Variants in CREM observed in about 807,000 individuals in gnomAD.
The protein encoded by CREM is cAMP responsive element modulator, also known as cAMP-responsive element modulator.
Under a neutral mutation model 37.3 loss-of-function variants are expected in CREM, and 13 were observed. The observed-to-expected ratio is 0.35, with a 90% CI of 0.23 to 0.55. CREM has a LOEUF of 0.55. Ranked by LOEUF, CREM falls within the 20% of genes least tolerant of loss-of-function variation. CREM has a pLI of 0.88. For synonymous variants in CREM, 124 were observed against 120.2 expected, an observed-to-expected ratio of 1.03 and a Z score of -0.21; for missense variants, 296 against 362.3, an observed-to-expected ratio of 0.82 and a Z score of 1.49.
At chr10:35,137,917 C>T in intron 2 of CREM, 38 bp downstream of exon 2, 5 of 1,533,390 alleles carry the variant, frequency 3.3e-6, no homozygotes, top group Non-Finnish European at 4.4e-6. Context: ...TTTGAAAATT[C>T]TACTTAGCTT....
chr10:35,184,778 A>AAAGGAAAC (rs1181442736), intron 5 of CREM, among the ~76,000 whole-genome samples: 9 of 151,484 alleles, frequency 5.9e-5, no homozygotes, highest in Non-Finnish European at 1.2e-4. Context: ...TGAAAAGAAA[A>AAAGGAAAC]AAGGAAACGA....
intron 3 of CREM, among the ~76,000 whole-genome samples, chr10:35,163,275 T>C (rs570109335): frequency 6.6e-6 from 1 of 152,322 alleles, no homozygotes; most frequent in Non-Finnish European, 1.5e-5. Flanking sequence ...GCGTATTTAC[T>C]ATTGGATATG....
intron 1 of CREM, among the ~76,000 whole-genome samples, chr10:35,130,112 C>G (rs574789363): frequency 1.4e-3 from 203 of 150,052 alleles, no homozygotes; most frequent in Non-Finnish European, 2.3e-3. Flanking sequence ...TGGAGAATTG[C>G]TTGAACCCCG....
intron 1 of CREM, among the ~76,000 whole-genome samples, chr10:35,137,006 G>A (rs1463638576): frequency 6.6e-6 from 1 of 152,130 alleles, no homozygotes; most frequent in Middle Eastern, 3.4e-3. Context: ...TAGAGACAAG[G>A]TCTCACTGTG....
chr10:35,175,912 A>G (rs2094044842), intron 3 of CREM: 1 of 1,553,026 alleles, frequency 6.4e-7, no homozygotes, highest in South Asian at 1.2e-5. Context: ...TAGTGCAGTT[A>G]CCTTCGGGCC....
Position 35,155,632 on chromosome 10 carries a change from T to TTTTC in CREM, c.168+7144_168+7145insCTTT, listed in dbSNP as rs201617013. 9.4e-4 allele frequency among the ~76,000 whole-genome samples: 16 copies of TTTTC among 16,966 alleles called. No homozygotes were observed. The Non-Finnish European group carries it at 0.026, about 28-fold the overall frequency. 11.1% of individuals were successfully genotyped at this position (16,966 alleles called of 152,430 possible). A position where few individuals can be genotyped will look rare whatever the true frequency, so the allele number is the denominator to read the frequency against. ...GATTCTTTTCTTTTCTTTTCTTTTC[T>TTTTC]TTTTTTTTTTGTAGAGATGGGAGTC... On this transcript the variant is annotated intron_variant, in intron 3 of 7. Coordinates refer to ENST00000685392, the MANE Select transcript of CREM (RefSeq NM_183011.2).
chr10:35,209,271 G>A lies in CREM; in HGVS notation c.756-1983G>A, dbSNP rs193263448. On this transcript the variant is annotated intron_variant, in intron 7 of 7. Transcript: ENST00000685392. Reference sequence around the variant, plus strand: ...TCTATAATCGATATCTCATTATATCGTATTTCTGCCAATCCAGCAACAGTT... The same window carrying A: ...TCTATAATCGATATCTCATTATATCATATTTCTGCCAATCCAGCAACAGTT... 180 of 974,258 alleles carry A rather than the reference G, an allele frequency of 1.8e-4. 1 individual carries two copies. In the African/African-American group the frequency reaches 2.7e-3, roughly 15 times the overall value. The allele number at this position is 974,258 out of a possible 1,614,324, so 60.4% of individuals were successfully genotyped here. A position where few individuals can be genotyped will look rare whatever the true frequency, so the allele number is the denominator to read the frequency against.
chr10:35,146,226 G>A (rs951655309), intron 2 of CREM, among the ~76,000 whole-genome samples: 4 of 152,214 alleles, frequency 2.6e-5, no homozygotes, highest in East Asian at 1.9e-4. Context: ...CCTTTCAAAG[G>A]TGTAAAAAAT....
intron 6 of CREM, among the ~76,000 whole-genome samples, chr10:35,199,131 A>G (rs1466347894): frequency 6.6e-6 from 1 of 152,232 alleles, no homozygotes; most frequent in East Asian, 1.9e-4. Flanking sequence ...CCTGGGTGAC[A>G]GAGCGAGACT....
At chr10:35,185,705 T>C (rs181891219) in intron 5 of CREM, among the ~76,000 whole-genome samples, 218 of 152,318 alleles carry the variant, frequency 1.4e-3, no homozygotes, top group African/African-American at 5.0e-3. Context: ...TTAAAGTGTG[T>C]ACAGAAAATA....
At position 35,152,756 on chromosome 10, in the gene CREM, A is replaced by G. The variant is rs2092674210; in HGVS notation, c.168+4265A>G. On this transcript the variant is annotated intron_variant, in intron 3 of 7. Transcript: ENST00000685392. ...AGGAGGAAATCTTTTCCAGAAATCA[A>G]AATGGTGAAAAGCAAAAATATTGTA... is the stretch of plus-strand genomic sequence containing the variant. Among the ~76,000 whole-genome samples the G allele has an allele frequency of 3.3e-5, 5 of 151,614 alleles. No individual in the cohort carries two copies. In the Admixed American group the frequency reaches 3.3e-4, roughly 10 times the overall value.
chr10:35,158,460 TA>T, intron 3 of CREM: 4 of 258,906 alleles, frequency 1.5e-5, no homozygotes, highest in Non-Finnish European at 7.8e-6. Flanking sequence ...CTGCAGAGGG[TA>T]AAAAGAGTTC....
At chr10:35,210,656 A>AT (rs1459417434) in intron 7 of CREM, 5 of 152,042 alleles carry the variant, frequency 3.3e-5, no homozygotes, top group African/African-American at 4.8e-5. Context: ...AGCACTGTCC[A>AT]TTTCATTTCG....
At chr10:35,177,065 C>G (rs1363769120) in intron 3 of CREM, among the ~76,000 whole-genome samples, 2 of 147,668 alleles carry the variant, frequency 1.4e-5, no homozygotes, top group Admixed American at 1.3e-4. Context: ...ATTATTTGAA[C>G]CTAATTGATG....
intron 6 of CREM, among the ~76,000 whole-genome samples, chr10:35,199,143 C>T (rs961701690): frequency 2.0e-4 from 31 of 152,208 alleles, no homozygotes; most frequent in Admixed American, 1.8e-3. Flanking sequence ...AGCGAGACTC[C>T]GTCTCAACAA....
intron 1 of CREM, among the ~76,000 whole-genome samples, chr10:35,135,037 C>CAA (rs1208451069): frequency 8.7e-5 from 9 of 103,860 alleles, no homozygotes; most frequent in African/African-American, 2.8e-4. Flanking sequence ...GACTCAGTCT[C>CAA]AAAAAAAAAA....
At chr10:35,186,627 A>C (rs12250973) in intron 5 of CREM, among the ~76,000 whole-genome samples, 2 of 144,492 alleles carry the variant, frequency 1.4e-5, no homozygotes, top group South Asian at 4.2e-4. Context: ...TAAATATATA[A>C]TATATGTAAA....
Position 35,183,546 on chromosome 10 carries a change from A to G in CREM, c.409+4270A>G, listed in dbSNP as rs112226934. Among the ~76,000 whole-genome samples, 943 of 152,200 alleles carry G rather than the reference A, an allele frequency of 6.2e-3. 11 individuals are homozygous for G. Among genetic ancestry groups the G allele is most frequent in the African/African-American group, 0.022 (893 of 41,506 alleles). On this transcript the variant is annotated intron_variant, in intron 5 of 7. Transcript: ENST00000685392. ...TTTAGTCTTCCTTCTGCTATAATGC[A>G]CCTCTTGGCTTTTAAGGTACAAGTA...
chr10:35,210,185 T>A (rs2095634517), intron 7 of CREM, among the ~76,000 whole-genome samples: 1 of 152,196 alleles, frequency 6.6e-6, no homozygotes, highest in Non-Finnish European at 1.5e-5. Flanking sequence ...TGATAGTGTC[T>A]GTTTCAGTGC....
Sources: allele counts gnomAD v4.1 joint callset (sites outside exome capture counted in the v4.1 genomes callset), GRCh38; gene constraint gnomAD v4.1.1; transcripts MANE v1.5; gene names NCBI Gene and HGNC (gene_info 2026-07-23, HGNC 2026-07-21).